Variants in TOM1L2 observed in about 807,000 individuals in gnomAD.
The protein encoded by TOM1L2 is target of myb1 like 2 membrane trafficking protein.
In TOM1L2, 31 loss-of-function variants were observed where a neutral mutation model predicts 67.9. The ratio of observed to expected loss-of-function variants is 0.46; its 90% CI spans 0.34 to 0.62. The LOEUF is 0.62. Ranked by LOEUF, TOM1L2 falls within the 20% of genes least tolerant of loss-of-function variation. The probability of loss-of-function intolerance (pLI) is 0.01; values close to 1 mark genes in which losing one functional copy is unlikely to be tolerated. For synonymous variants in TOM1L2, 256 were observed against 254.0 expected (o/e 1.01, Z -0.07); for missense variants, 606 against 663.5 (o/e 0.91, Z 0.95).
intron 7 of TOM1L2, chr17:17,869,722 T>A: frequency 8.3e-7 from 1 of 1,210,752 alleles, no homozygotes; most frequent in Non-Finnish European, 1.0e-6. Flanking sequence ...TACAAGTACA[T>A]GCTTGTACAA....
In TOM1L2 at chr17:17,852,361, C is replaced by CT. The variant is rs1379109418; in HGVS notation, c.1279-1410dup. ...GGGGTCCCAGGTAGAGTCCAGCACTCTGAGCAGGTATCTACGATGCCACCA... is the reference window on the plus strand; with the variant it reads ...GGGGTCCCAGGTAGAGTCCAGCACTCTTGAGCAGGTATCTACGATGCCACCA... On this transcript the variant is annotated intron_variant, in intron 12 of 14. Transcript: ENST00000379504. 3.9e-5 allele frequency among the ~76,000 whole-genome samples: 6 copies of CT among 152,294 alleles called. No individual in the cohort carries two copies. The East Asian group carries it at 1.2e-3, about 29-fold the overall frequency.
chr17:17,914,859 A>G (rs1021115744), intron 1 of TOM1L2, among the ~76,000 whole-genome samples: 2 of 152,242 alleles, frequency 1.3e-5, no homozygotes, highest in African/African-American at 4.8e-5. Flanking sequence ...AGAAAAGGTT[A>G]GGGATATATC....
intron 4 of TOM1L2, among the ~76,000 whole-genome samples, chr17:17,888,109 C>A (rs933644203): frequency 6.6e-6 from 1 of 152,164 alleles, no homozygotes; most frequent in African/African-American, 2.4e-5. Flanking sequence ...CTTAAAGCTG[C>A]CTTTTCAGAA....
chr17:17,961,690 G>A (rs1345449692), intron 1 of TOM1L2, among the ~76,000 whole-genome samples: 2 of 152,078 alleles, frequency 1.3e-5, no homozygotes, highest in East Asian at 3.8e-4. Context: ...TGGCTAACAC[G>A]ATGAAACCCT....
intron 7 of TOM1L2, among the ~76,000 whole-genome samples, chr17:17,878,718 G>A (rs745994971): frequency 1.3e-5 from 2 of 152,250 alleles, no homozygotes; most frequent in Non-Finnish European, 2.9e-5. Flanking sequence ...TGCTAAATCA[G>A]TCTGGCTCCT....
At chr17:17,970,043 G>T (rs138797627) in intron 1 of TOM1L2, among the ~76,000 whole-genome samples, 47 of 151,860 alleles carry the variant, frequency 3.1e-4, no homozygotes, top group South Asian at 1.5e-3. Context: ...TTGGTTTTTT[G>T]TTGTTGTTGT....
intron 5 of TOM1L2, among the ~76,000 whole-genome samples, chr17:17,883,401 G>T (rs1430283014): frequency 6.6e-6 from 1 of 152,222 alleles, no homozygotes; most frequent in Non-Finnish European, 1.5e-5. Context: ...AGCATAGCGC[G>T]TGGTCTGGAG....
At position 17,851,124 on chromosome 17, in the gene TOM1L2, G is replaced by C. The variant is rs537242577; in HGVS notation, c.1279-172C>G. The C allele has an allele frequency of 7.7e-6, 5 of 646,014 alleles. No individual in the cohort carries two copies. The East Asian group carries it at 1.4e-4, about 18-fold the overall frequency. The allele number at this position is 646,014 out of a possible 1,614,324, so 40.0% of individuals were successfully genotyped here. A position where few individuals can be genotyped will look rare whatever the true frequency, so the allele number is the denominator to read the frequency against. ...CAGGGGCAACACAGGGCAGCCACGTGTGAGATGGCAGGTGAGGAAAGCAAT... is the reference window on the plus strand; with the variant it reads ...CAGGGGCAACACAGGGCAGCCACGTCTGAGATGGCAGGTGAGGAAAGCAAT... On this transcript the variant is annotated intron_variant, in intron 12 of 14. Transcript: ENST00000379504.
chr17:17,944,761 C>T (rs761221909), intron 1 of TOM1L2, among the ~76,000 whole-genome samples: 21 of 152,204 alleles, frequency 1.4e-4, no homozygotes, highest in South Asian at 2.1e-4. Flanking sequence ...GGAAGCCTTC[C>T]GGCGGGGAAA....
intron 1 of TOM1L2, among the ~76,000 whole-genome samples, chr17:17,954,834 CA>C (rs769113196): frequency 2.6e-5 from 4 of 152,218 alleles, no homozygotes; most frequent in Non-Finnish European, 5.9e-5. Flanking sequence ...AGAGCAAACA[CA>C]TGCTAAACAC....
At chr17:17,918,173 AAC>A (rs1382748282) in intron 1 of TOM1L2, among the ~76,000 whole-genome samples, 1 of 152,126 alleles carries the variant, frequency 6.6e-6, no homozygotes, top group Non-Finnish European at 1.5e-5. Flanking sequence ...TATTAACAGA[AAC>A]ACAACTGATT....
At chr17:17,908,671 C>G (rs1378849898) in intron 1 of TOM1L2, among the ~76,000 whole-genome samples, 3 of 152,100 alleles carry the variant, frequency 2.0e-5, no homozygotes, top group Admixed American at 2.0e-4. Context: ...AAATGACTAA[C>G]AAGTATGTGA....
chr17:17,869,002 C>T (rs376062118), intron 8 of TOM1L2: 1 of 213,782 alleles, frequency 4.7e-6, no homozygotes, highest in Non-Finnish European at 9.4e-6. Flanking sequence ...ATCAAAGGAG[C>T]AGGTGCAGAA....
chr17:17,845,146 A>G lies in TOM1L2; in HGVS notation c.*2489T>C, dbSNP rs1464754919. On this transcript the variant is annotated 3_prime_UTR_variant, in exon 15 of 15. Coordinates refer to ENST00000379504, the MANE Select transcript of TOM1L2 (RefSeq NM_001082968.2). ...TTGCTTCCTGTGCAGGCCTCAAGCA[A>G]GAGCCCCCTCTGCCTACAGGTGGGG... is the stretch of plus-strand genomic sequence containing the variant. 1 of 152,244 alleles carries G rather than the reference A, an allele frequency of 6.6e-6. No homozygotes were observed. The highest frequency in any genetic ancestry group is 1.5e-5 in the Non-Finnish European group (1 of 68,046). The allele number at this position is 152,244 out of a possible 1,614,324, so 9.4% of individuals were successfully genotyped here. A position where few individuals can be genotyped will look rare whatever the true frequency, so the allele number is the denominator to read the frequency against.
intron 1 of TOM1L2, among the ~76,000 whole-genome samples, chr17:17,927,515 T>C (rs915554139): frequency 3.3e-5 from 5 of 152,180 alleles, no homozygotes; most frequent in African/African-American, 9.6e-5. Flanking sequence ...CTGAAGAACA[T>C]GGTGGAGCAA....
chr17:17,921,746 G>A (rs1249669799), intron 1 of TOM1L2, among the ~76,000 whole-genome samples: 2 of 151,634 alleles, frequency 1.3e-5, no homozygotes, highest in Non-Finnish European at 2.9e-5. Context: ...AAGGGAAAGT[G>A]GGGGCGGGGT....
intron 1 of TOM1L2, among the ~76,000 whole-genome samples, chr17:17,956,712 C>A (rs1026984457): frequency 2.6e-5 from 4 of 152,248 alleles, no homozygotes; most frequent in African/African-American, 9.6e-5. Flanking sequence ...GAATGGCACA[C>A]CCTCCGCAGC....
At chr17:17,880,052 C>A (rs2037639404) in intron 6 of TOM1L2, among the ~76,000 whole-genome samples, 1 of 152,214 alleles carries the variant, frequency 6.6e-6, no homozygotes, top group Admixed American at 6.5e-5. Flanking sequence ...CGTCTCGGCT[C>A]TCCCACCACG....
intron 1 of TOM1L2, among the ~76,000 whole-genome samples, chr17:17,944,360 G>A (rs571385286): frequency 2.0e-5 from 3 of 152,334 alleles, no homozygotes; most frequent in East Asian, 1.9e-4. Flanking sequence ...GTAAGCTCAC[G>A]GCTGCAGGAG....
Sources: gnomAD v4.1 joint callset for allele counts (sites outside exome capture counted in the v4.1 genomes callset) on GRCh38, gnomAD v4.1.1 for gene constraint, MANE v1.5 for transcripts, NCBI Gene and HGNC (gene_info 2026-07-23, HGNC 2026-07-21) for gene names.